RELN: variants seen among roughly 807,000 people sequenced by gnomAD.
The protein encoded by RELN is reelin.
A neutral mutation model predicts 427.6 loss-of-function variants in RELN; 108 were observed. The observed-to-expected ratio is 0.25, with a 90% CI of 0.22 to 0.30. RELN has a LOEUF of 0.30. Among genes scored for constraint, RELN ranks in the 10% least tolerant of loss-of-function variants. The pLI, the probability that RELN is intolerant of heterozygous loss-of-function variation, is 1.00. For missense variants in RELN, 3,715 were observed against 4,302.8 expected, an observed-to-expected ratio of 0.86 and a Z score of 3.82; for synonymous variants, 1,524 against 1,513.4, an observed-to-expected ratio of 1.01 and a Z score of -0.16.
At chr7:103,890,573 C>A (rs1287282654) in intron 2 of RELN, among the ~76,000 whole-genome samples, 1 of 152,152 alleles carries the variant, frequency 6.6e-6, no homozygotes, top group Non-Finnish European at 1.5e-5. Flanking sequence ...ATCCCCACCC[C>A]CTACTGTCTG....
At chr7:103,648,128 T>C (rs1234680886) in intron 16 of RELN, among the ~76,000 whole-genome samples, 1 of 151,956 alleles carries the variant, frequency 6.6e-6, no homozygotes, top group Non-Finnish European at 1.5e-5. Context: ...TTTGGATTTG[T>C]GTCCCTGCCC....
rs1830980709 is a variant in RELN at position 103,575,631 on chromosome 7, T to C, written c.4220A>G (p.Tyr1407Cys). The change falls in exon 29 of 65, where the codon TAC (tyrosine) becomes TGC (cysteine). Residue 1407 changes from tyrosine (Y) to cysteine (C), a missense_variant. This residue lies in a region of RELN where 2,208 missense variants were observed against 2,361.7 expected (regional missense o/e 0.93). Transcript: ENST00000428762. ...NVPPFGLDGV[Y>C]ISEPCPSYCS... is the part of the protein sequence containing the mutation. ...GTAACTGGGACAAGGCTCGGATATG[T>C]ACACTCCATCTAAACCAAATGGAGG... is the stretch of plus-strand genomic sequence containing the variant. 1 of 1,614,170 alleles carries C rather than the reference T, an allele frequency of 6.2e-7. No individual in the cohort carries two copies. Among genetic ancestry groups the C allele is most frequent in the African/African-American group, 1.3e-5 (1 of 75,050 alleles).
At chr7:103,871,328 G>C (rs1229476474) in intron 2 of RELN, among the ~76,000 whole-genome samples, 1 of 152,050 alleles carries the variant, frequency 6.6e-6, no homozygotes, top group Non-Finnish European at 1.5e-5. Flanking sequence ...ATTGTAAGTA[G>C]TTGTTCATAA....
Position 103,947,840 on chromosome 7 carries a change from T to C in RELN, c.227-30655A>G, listed in dbSNP as rs115983557. Among the ~76,000 whole-genome samples the C allele has an allele frequency of 6.7e-3, 1,019 of 152,338 alleles. 16 individuals carry two copies. The highest frequency in any genetic ancestry group is 0.023 in the African/African-American group (977 of 41,578). Reference sequence around the variant, plus strand: ...TAAATATTACCCCTTACAATGTCAATCATGCTTAGGAGAATTATAGTTGCA... The same window carrying C: ...TAAATATTACCCCTTACAATGTCAACCATGCTTAGGAGAATTATAGTTGCA... On this transcript the variant is annotated intron_variant, in intron 1 of 64. Transcript: ENST00000428762.
intron 1 of RELN, among the ~76,000 whole-genome samples, chr7:103,986,912 GTT>G (rs1797110149): frequency 6.7e-6 from 1 of 149,844 alleles, no homozygotes; most frequent in Non-Finnish European, 1.5e-5. Context: ...CCTATTGGCA[GTT>G]CAATTCTAAC....
In RELN at chr7:103,745,462, G is replaced by C. The variant is rs553023661; in HGVS notation, c.656+3964C>G. On this transcript the variant is annotated intron_variant, in intron 6 of 64. Transcript: ENST00000428762. ...AATAAAGGGTATTCAATTAGGAAAA[G>C]AGGAAGTCAAATTGTCCCTGTTTGC... 4.2e-3 allele frequency among the ~76,000 whole-genome samples: 619 copies of C among 147,072 alleles called. 11 individuals are homozygous for C. The highest frequency in any genetic ancestry group is 6.9e-3 in the Non-Finnish European group (466 of 67,348).
chr7:103,819,215 T>A (rs1166960345), intron 3 of RELN, among the ~76,000 whole-genome samples: 1 of 152,078 alleles, frequency 6.6e-6, no homozygotes, highest in Admixed American at 6.6e-5. Context: ...TACTGTCAAG[T>A]TTAAATATTA....
At chr7:103,746,684 CAG>C (rs1790841541) in intron 6 of RELN, among the ~76,000 whole-genome samples, 1 of 152,090 alleles carries the variant, frequency 6.6e-6, no homozygotes, top group Non-Finnish European at 1.5e-5. Flanking sequence ...CAGTGGCCAT[CAG>C]AGAAATGCAA....
chr7:103,746,551 G>C (rs1790837177), intron 6 of RELN, among the ~76,000 whole-genome samples: 1 of 151,668 alleles, frequency 6.6e-6, no homozygotes, highest in South Asian at 2.1e-4. Context: ...AAGCTACAAT[G>C]AACTCAATTT....
intron 3 of RELN, among the ~76,000 whole-genome samples, chr7:103,800,206 T>C (rs577439598): frequency 6.6e-6 from 1 of 152,318 alleles, no homozygotes; most frequent in East Asian, 1.9e-4. Context: ...TGTCCCTTTT[T>C]GCAGATGACA....
chr7:103,702,304 A>T (rs1418463474), intron 8 of RELN, among the ~76,000 whole-genome samples: 1 of 152,240 alleles, frequency 6.6e-6, no homozygotes, highest in Non-Finnish European at 1.5e-5. Flanking sequence ...AGAATCTGTG[A>T]TTTAGAAGGA....
At chr7:103,533,619 C>T (rs1459959996) in intron 46 of RELN, among the ~76,000 whole-genome samples, 1 of 152,092 alleles carries the variant, frequency 6.6e-6, no homozygotes. Flanking sequence ...ATATAATAAA[C>T]AAACTGCTTA....
chr7:103,903,139 CT>C (rs1795118255), intron 2 of RELN, among the ~76,000 whole-genome samples: 1 of 152,032 alleles, frequency 6.6e-6, no homozygotes, highest in African/African-American at 2.4e-5. Flanking sequence ...CAGAGTCAAC[CT>C]TTGAAGTTTA....
intron 24 of RELN, among the ~76,000 whole-genome samples, chr7:103,598,251 T>C (rs1456266620): frequency 3.9e-5 from 6 of 152,234 alleles, no homozygotes; most frequent in Non-Finnish European, 7.4e-5. Context: ...ACTCATTCTT[T>C]GGAAATCTCA....
chr7:103,912,927 T>TC (rs1795402494), intron 2 of RELN, among the ~76,000 whole-genome samples: 1 of 152,028 alleles, frequency 6.6e-6, no homozygotes, highest in African/African-American at 2.4e-5. Context: ...CATTTTTTTT[T>TC]CTGGGATGCA....
At chr7:103,890,783 G>A (rs1320976617) in intron 2 of RELN, among the ~76,000 whole-genome samples, 1 of 152,126 alleles carries the variant, frequency 6.6e-6, no homozygotes. Context: ...GCAATTGAAA[G>A]TGGAATTCCA....
chr7:103,656,388 C>A (rs1156911747), intron 12 of RELN, among the ~76,000 whole-genome samples: 1 of 151,932 alleles, frequency 6.6e-6, no homozygotes, highest in Non-Finnish European at 1.5e-5. Flanking sequence ...AAAACTAAGC[C>A]CTTTAAGACA....
intron 58 of RELN, 85 bp downstream of exon 58, chr7:103,491,846 TCTCTCTCTCTCACACACACACA>T (rs1240307021): frequency 5.6e-5 from 34 of 609,772 alleles, no homozygotes; most frequent in African/African-American, 2.6e-4. Flanking sequence ...TCTCTCTCTC[TCTCTCTCTCTCACACACACACA>T]CACACACACA....
At chr7:103,949,644 T>A (rs1209589146) in intron 1 of RELN, among the ~76,000 whole-genome samples, 1 of 151,562 alleles carries the variant, frequency 6.6e-6, no homozygotes, top group Non-Finnish European at 1.5e-5. Context: ...CCAGCTAATC[T>A]ACAGTAATTT....
Sources: allele counts gnomAD v4.1 joint callset (sites outside exome capture counted in the v4.1 genomes callset), GRCh38; gene constraint gnomAD v4.1.1; regional missense constraint gnomAD v4.1.1; transcripts MANE v1.5; gene names NCBI Gene and HGNC (gene_info 2026-07-23, HGNC 2026-07-21).